Variants in CNTNAP5 observed in about 807,000 individuals in gnomAD.
The protein encoded by CNTNAP5 is contactin-associated protein-like 5.
A neutral mutation model predicts 150.2 loss-of-function variants in CNTNAP5; 72 were observed. The observed-to-expected ratio is 0.48, with a 90% CI of 0.40 to 0.58. The LOEUF is 0.58. Ranked by LOEUF, CNTNAP5 falls within the 20% of genes least tolerant of loss-of-function variation. CNTNAP5 has a pLI of 0.00. For missense variants in CNTNAP5, 1,636 were observed against 1,626.2 expected (o/e 1.01, Z -0.10); for synonymous variants, 672 against 619.8 (o/e 1.08, Z -1.25).
At chr2:124,840,132 T>C (rs897762988) in intron 19 of CNTNAP5, among the ~76,000 whole-genome samples, 13 of 152,082 alleles carry the variant, frequency 8.5e-5, no homozygotes, top group African/African-American at 2.7e-4. Context: ...GTATAGGACA[T>C]CAGGAGGAGA....
Position 124,349,874 on chromosome 2 carries a change from C to CTTTTTTTTTTTTTTTT in CNTNAP5, c.382-67556_382-67541dup, listed in dbSNP as rs70996061. On this transcript the variant is annotated intron_variant, in intron 3 of 23. Coordinates refer to ENST00000682447, the MANE Select transcript of CNTNAP5 (RefSeq NM_001367498.1). ...GTTTTGAAATGACTTCTGGCTATTT[C>CTTTTTTTTTTTTTTTT]TTTTTTTTTTTTTTTTTTTTTTTTT... 1.6e-4 allele frequency among the ~76,000 whole-genome samples: 13 copies of CTTTTTTTTTTTTTTTT among 81,840 alleles called. 1 individual carries two copies. Among genetic ancestry groups the CTTTTTTTTTTTTTTTT allele is most frequent in the African/African-American group, 5.0e-4 (10 of 19,820 alleles). 53.7% of individuals were successfully genotyped at this position (81,840 alleles called of 152,430 possible).
At chr2:124,564,311 C>A (rs1573461865) in intron 11 of CNTNAP5, among the ~76,000 whole-genome samples, 1 of 152,052 alleles carries the variant, frequency 6.6e-6, no homozygotes, top group East Asian at 1.9e-4. Context: ...GGATAGAAAA[C>A]AAATAAAGAA....
chr2:124,216,054 C>T (rs1244128161), intron 1 of CNTNAP5, among the ~76,000 whole-genome samples: 1 of 152,118 alleles, frequency 6.6e-6, no homozygotes, highest in African/African-American at 2.4e-5. Flanking sequence ...AGGCTTGGAA[C>T]CTGTAATTTC....
chr2:124,818,610 G>GCCT (rs2104666401), intron 19 of CNTNAP5, among the ~76,000 whole-genome samples: 1 of 152,144 alleles, frequency 6.6e-6, no homozygotes, highest in African/African-American at 2.4e-5. Context: ...CTGAATCCAA[G>GCCT]CACTGCTGAC....
At chr2:124,260,518 G>C (rs1358043756) in intron 3 of CNTNAP5, among the ~76,000 whole-genome samples, 1 of 152,146 alleles carries the variant, frequency 6.6e-6, no homozygotes, top group Admixed American at 6.6e-5. Context: ...TTGACAAATG[G>C]GATCTAATTA....
At chr2:124,362,105 G>A (rs1352549067) in intron 3 of CNTNAP5, among the ~76,000 whole-genome samples, 4 of 152,304 alleles carry the variant, frequency 2.6e-5, no homozygotes, top group African/African-American at 4.8e-5. Context: ...TCTTTGACTC[G>A]GAAAGGGAAC....
chr2:124,811,975 T>TAAAATTTATATTTATATATTATATA (rs1274658042), intron 19 of CNTNAP5, among the ~76,000 whole-genome samples: 1 of 110,940 alleles, frequency 9.0e-6, no homozygotes, highest in African/African-American at 3.4e-5. Flanking sequence ...TTTTATAATA[T>TAAAATTTATATTTATATATTATATA]ATATAAAATT....
intron 1 of CNTNAP5, among the ~76,000 whole-genome samples, chr2:124,108,626 A>G (rs566631778): frequency 6.6e-6 from 1 of 152,318 alleles, no homozygotes; most frequent in East Asian, 1.9e-4. Flanking sequence ...TTAGAAGTAT[A>G]TGGGAAGCTT....
intron 1 of CNTNAP5, among the ~76,000 whole-genome samples, chr2:124,136,497 T>C (rs1683977537): frequency 6.6e-6 from 1 of 152,186 alleles, no homozygotes; most frequent in African/African-American, 2.4e-5. Flanking sequence ...TATTATACAT[T>C]AGCCTACAGT....
chr2:124,647,233 C>G (rs1279553780), intron 12 of CNTNAP5, among the ~76,000 whole-genome samples: 1 of 152,098 alleles, frequency 6.6e-6, no homozygotes, highest in Non-Finnish European at 1.5e-5. Flanking sequence ...AAAACAAAAC[C>G]CTACAATTAA....
intron 3 of CNTNAP5, among the ~76,000 whole-genome samples, chr2:124,354,636 G>C (rs1189032889): frequency 6.6e-6 from 1 of 152,126 alleles, no homozygotes; most frequent in Non-Finnish European, 1.5e-5. Context: ...TGCCAGTCTT[G>C]AGCAAAAGCT....
At chr2:124,580,655 T>G (rs1696389198) in intron 11 of CNTNAP5, among the ~76,000 whole-genome samples, 1 of 152,184 alleles carries the variant, frequency 6.6e-6, no homozygotes, top group Non-Finnish European at 1.5e-5. Context: ...AACAGTTACG[T>G]TTGGTCATGA....
chr2:124,780,638 C>T (rs1425780757), intron 17 of CNTNAP5, among the ~76,000 whole-genome samples: 1 of 152,168 alleles, frequency 6.6e-6, no homozygotes. Context: ...TATTATTTTC[C>T]CCCTGATCTG....
intron 13 of CNTNAP5, among the ~76,000 whole-genome samples, chr2:124,724,169 AATAATAATG>A (rs1315371791): frequency 3.3e-5 from 5 of 150,230 alleles, no homozygotes; most frequent in Admixed American, 1.3e-4. Flanking sequence ...TAATAATAAT[AATAATAATG>A]ATGATACAGA....
At chr2:124,442,577 G>A (rs529664217) in intron 5 of CNTNAP5, among the ~76,000 whole-genome samples, 87 of 152,206 alleles carry the variant, frequency 5.7e-4, no homozygotes, top group African/African-American at 1.6e-3. Flanking sequence ...AAAGTACTTA[G>A]GGAAAACTAG....
chr2:124,044,515 T>C (rs542270206), intron 1 of CNTNAP5, among the ~76,000 whole-genome samples: 1 of 152,328 alleles, frequency 6.6e-6, no homozygotes, highest in Admixed American at 6.5e-5. Context: ...AACCAGGAAC[T>C]GGTCTTAGAT....
At chr2:124,476,916 C>T (rs930898611) in intron 7 of CNTNAP5, among the ~76,000 whole-genome samples, 1 of 152,128 alleles carries the variant, frequency 6.6e-6, no homozygotes, top group Non-Finnish European at 1.5e-5. Flanking sequence ...ACCAGTTGGT[C>T]TCTCTGGGTT....
rs1199616136 is a variant in CNTNAP5 at position 124,598,326 on chromosome 2, T to C, written c.1757-11475T>C. Among the ~76,000 whole-genome samples the C allele has an allele frequency of 1.2e-4, 11 of 88,848 alleles. 1 individual carries two copies. The highest frequency in any genetic ancestry group is 2.0e-4 in the Non-Finnish European group (9 of 44,518). The allele number at this position is 88,848 out of a possible 152,430, so 58.3% of individuals were successfully genotyped here. A position where few individuals can be genotyped will look rare whatever the true frequency, so the allele number is the denominator to read the frequency against. ...GTGATGTACAGATGGGTTTTTGGTGTGGATGTCCTTTCTGTTTGTTAGTTT... is the reference window on the plus strand; with the variant it reads ...GTGATGTACAGATGGGTTTTTGGTGCGGATGTCCTTTCTGTTTGTTAGTTT... On this transcript the variant is annotated intron_variant, in intron 11 of 23. Coordinates refer to ENST00000682447, the MANE Select transcript of CNTNAP5 (RefSeq NM_001367498.1).
intron 13 of CNTNAP5, among the ~76,000 whole-genome samples, chr2:124,660,943 CA>C (rs34511096): frequency 0.26 from 26,939 of 104,022 alleles, 2,255 homozygotes; most frequent in Non-Finnish European, 0.32. Flanking sequence ...GACTGGGTCT[CA>C]AAAAAAAAAA....
Sources: allele counts gnomAD v4.1 joint callset (sites outside exome capture counted in the v4.1 genomes callset), GRCh38; gene constraint gnomAD v4.1.1; transcripts MANE v1.5; gene names NCBI Gene and HGNC (gene_info 2026-07-23, HGNC 2026-07-21).